Variants in COL4A4 observed in about 807,000 individuals in gnomAD.
The protein encoded by COL4A4 is collagen type IV alpha 4 chain, also known as collagen alpha-4(IV) chain.
In COL4A4, 105 loss-of-function variants were observed where a neutral mutation model predicts 192.9. The observed-to-expected ratio is 0.54, with a 90% CI of 0.46 to 0.64. The LOEUF is 0.64. Among genes scored for constraint, COL4A4 ranks in the 30% least tolerant of loss-of-function variants. The pLI is 0.00. For missense variants in COL4A4, 1,967 were observed against 2,169.3 expected, an observed-to-expected ratio of 0.91 and a Z score of 1.85; for synonymous variants, 762 against 769.9, an observed-to-expected ratio of 0.99 and a Z score of 0.17.
rs548238805 is a variant in COL4A4, at chr2:227,027,580, A to G, written c.4081+322T>C. On this transcript the variant is annotated intron_variant, in intron 42 of 47. Coordinates refer to ENST00000396625, the MANE Select transcript of COL4A4 (RefSeq NM_000092.5). ...GCACACCAACATGGCACATGTATAC[A>G]TATGTAACAAACCTGCACGTTGTGC... Among the ~76,000 whole-genome samples the G allele has an allele frequency of 6.7e-3, 1,017 of 151,650 alleles. 5 individuals carry two copies. Among genetic ancestry groups the G allele is most frequent in the African/African-American group, 0.024 (975 of 41,440 alleles).
In COL4A4 at chr2:227,008,309, G is replaced by T. The variant is rs1389977223; in HGVS notation, c.4523-5C>A. 2 of 1,614,080 alleles carry T rather than the reference G, an allele frequency of 1.2e-6. No homozygotes were observed. Among genetic ancestry groups the T allele is most frequent in the East Asian group, 4.5e-5 (2 of 44,882 alleles). ...GAAGGCAAGACCCTGCCAGACCTTG[G>T]GAAGGGAAGAAGAGACAGCTGGTGT... is the stretch of plus-strand genomic sequence containing the variant. On this transcript the variant is annotated splice_region_variant and splice_polypyrimidine_tract_variant and intron_variant, in intron 46 of 47. Coordinates refer to ENST00000396625, the MANE Select transcript of COL4A4 (RefSeq NM_000092.5).
At chr2:226,975,823 C>T in the COL4A4 span, among the ~76,000 whole-genome samples, 5 of 152,202 alleles carry the variant, frequency 3.3e-5, no homozygotes, top group South Asian at 1.0e-3. Context: ...AGAGATAATA[C>T]ACAAAAGCAA....
intron 25 of COL4A4, among the ~76,000 whole-genome samples, chr2:227,068,040 C>T (rs1393829599): frequency 3.4e-5 from 5 of 145,476 alleles, no homozygotes; most frequent in African/African-American, 5.1e-5. Context: ...GGGGATATCA[C>T]CACCGATCCC....
At chr2:227,008,967 T>C (rs1157319675) in intron 46 of COL4A4, among the ~76,000 whole-genome samples, 1 of 152,180 alleles carries the variant, frequency 6.6e-6, no homozygotes, top group Non-Finnish European at 1.5e-5. Context: ...TTAAGATGTG[T>C]GCTCTGGTTA....
intron 34 of COL4A4, among the ~76,000 whole-genome samples, chr2:227,048,344 T>C (rs973128490): frequency 6.6e-6 from 1 of 152,220 alleles, no homozygotes; most frequent in Admixed American, 6.5e-5. Flanking sequence ...AGGGGTGGGA[T>C]TCTGGCCCAT....
rs1217932713 is a variant in COL4A4 at position 227,034,803 on chromosome 2, G to A, written c.3506-1322C>T. 2.8e-5 allele frequency among the ~76,000 whole-genome samples: 4 copies of A among 140,858 alleles called. No individual in the cohort carries two copies. In the East Asian group the frequency reaches 8.4e-4, roughly 30 times the overall value. The allele number at this position is 140,858 out of a possible 152,430, so 92.4% of individuals were successfully genotyped here. On this transcript the variant is annotated intron_variant, in intron 37 of 47. Coordinates refer to ENST00000396625, the MANE Select transcript of COL4A4 (RefSeq NM_000092.5). ...CATTGTTCAATTCCCACCTATGAGT[G>A]AGAATATGTGGTGTTTGGTTTTTTG...
At chr2:227,081,361 T>A (rs1217060766) in intron 23 of COL4A4, among the ~76,000 whole-genome samples, 1 of 152,220 alleles carries the variant, frequency 6.6e-6, no homozygotes, top group Non-Finnish European at 1.5e-5. Context: ...ATCTTTCTCC[T>A]GTGCTGAATG....
chr2:227,056,866 G>A (rs977700180), intron 29 of COL4A4, among the ~76,000 whole-genome samples: 3 of 152,178 alleles, frequency 2.0e-5, no homozygotes, highest in African/African-American at 4.8e-5. Flanking sequence ...AAATCTGCTG[G>A]CAGCTTGATC....
rs186347727 is a variant in COL4A4, at chr2:227,005,819, A to G, written c.*1506T>C. 1 of 152,348 alleles carries G rather than the reference A, an allele frequency of 6.6e-6. No homozygotes were observed. The highest frequency in any genetic ancestry group is 6.5e-5 in the Admixed American group (1 of 15,304). 9.4% of individuals were successfully genotyped at this position (152,348 alleles called of 1,614,324 possible). A position where few individuals can be genotyped will look rare whatever the true frequency, so the allele number is the denominator to read the frequency against. On this transcript the variant is annotated 3_prime_UTR_variant, in exon 48 of 48. Transcript: ENST00000396625. ...AGAAATTTCTTTAGTTTTCTCTAAA[A>G]TGCCTTTTTCTTTTAGATGAGGAAG... is the stretch of plus-strand genomic sequence containing the variant.
intron 41 of COL4A4, among the ~76,000 whole-genome samples, chr2:227,028,644 TTTA>T (rs56914189): frequency 0.19 from 26,722 of 141,660 alleles, 2,643 homozygotes; most frequent in East Asian, 0.29. Flanking sequence ...ATAAAAGAAA[TTTA>T]TTATTATTAT....
At chr2:227,019,547 C>T (rs554137217) in intron 44 of COL4A4, among the ~76,000 whole-genome samples, 10 of 152,350 alleles carry the variant, frequency 6.6e-5, no homozygotes, top group Admixed American at 4.6e-4. Context: ...CCCAACCTTT[C>T]GTTAAGGCTC....
At chr2:227,125,109 C>T (rs546359049) in intron 4 of COL4A4, among the ~76,000 whole-genome samples, 7 of 152,062 alleles carry the variant, frequency 4.6e-5, no homozygotes, top group South Asian at 4.2e-4. Flanking sequence ...GGAAAAAAGG[C>T]GTGGAAATAT....
chr2:227,145,324 G>A (rs1351959430), intron 2 of COL4A4, among the ~76,000 whole-genome samples: 1 of 152,084 alleles, frequency 6.6e-6, no homozygotes, highest in Non-Finnish European at 1.5e-5. Flanking sequence ...GTGCATGCCT[G>A]TAACCCCAGC....
the COL4A4 span, among the ~76,000 whole-genome samples, chr2:226,973,199 G>T: frequency 1.3e-5 from 2 of 152,186 alleles, no homozygotes; most frequent in African/African-American, 2.4e-5. Context: ...GTCCTTAAAT[G>T]ATCTTCTTCC....
chr2:227,070,123 C>A (rs2058620766), intron 25 of COL4A4, among the ~76,000 whole-genome samples: 1 of 152,196 alleles, frequency 6.6e-6, no homozygotes, highest in Non-Finnish European at 1.5e-5. Flanking sequence ...AAAAAATGCT[C>A]ACCATCACTG....
intron 4 of COL4A4, among the ~76,000 whole-genome samples, chr2:227,128,369 A>G (rs1328630477): frequency 6.6e-6 from 1 of 152,210 alleles, no homozygotes. Flanking sequence ...TTAGGACACA[A>G]TGTTATTAAT....
intron 12 of COL4A4, among the ~76,000 whole-genome samples, chr2:227,106,047 G>GAAA (rs11435858): frequency 2.1e-5 from 3 of 143,390 alleles, no homozygotes; most frequent in African/African-American, 7.6e-5. Context: ...AGTTTAAATA[G>GAAA]AAAAAAAAAA....
the COL4A4 span, chr2:226,997,477 C>G: frequency 6.6e-6 from 1 of 152,204 alleles, no homozygotes; most frequent in Non-Finnish European, 1.5e-5. Flanking sequence ...GTAATGAGGC[C>G]TGAGTCTTAG....
At chr2:227,137,001 C>T (rs1229062987) in intron 4 of COL4A4, among the ~76,000 whole-genome samples, 1 of 152,154 alleles carries the variant, frequency 6.6e-6, no homozygotes, top group African/African-American at 2.4e-5. Context: ...GTCACACTCC[C>T]AAATCCTCGC....
Sources: gnomAD v4.1 joint callset for allele counts (sites outside exome capture counted in the v4.1 genomes callset) on GRCh38, gnomAD v4.1.1 for gene constraint, MANE v1.5 for transcripts, NCBI Gene and HGNC (gene_info 2026-07-23, HGNC 2026-07-21) for gene names.